The following SHTN1 variants were observed in gnomAD, a reference collection of about 807,000 sequenced individuals.
SHTN1 encodes shootin 1, also known as shootin-1.
Under a neutral mutation model 83.1 loss-of-function variants are expected in SHTN1, and 42 were observed. That is an observed-to-expected ratio of 0.51 (90% CI 0.39 to 0.65). SHTN1 has a LOEUF of 0.65. Ranked by LOEUF, SHTN1 falls within the 30% of genes least tolerant of loss-of-function variation. The probability of loss-of-function intolerance (pLI) is 0.00; values close to 1 mark genes in which losing one functional copy is unlikely to be tolerated. For synonymous variants in SHTN1, 224 were observed against 247.7 expected, an observed-to-expected ratio of 0.90 and a Z score of 0.90; for missense variants, 622 against 737.8, an observed-to-expected ratio of 0.84 and a Z score of 1.82.
chr10:116,894,523 T>C (rs1231456473), intron 16 of SHTN1, among the ~76,000 whole-genome samples: 25 of 152,184 alleles, frequency 1.6e-4, no homozygotes, highest in Admixed American at 1.6e-3. Context: ...AAATGTTAAC[T>C]TGAAGAATCT....
At chr10:116,976,265 G>A (rs1322261381) in intron 2 of SHTN1, among the ~76,000 whole-genome samples, 1 of 152,124 alleles carries the variant, frequency 6.6e-6, no homozygotes, top group Non-Finnish European at 1.5e-5. Flanking sequence ...TGGTTTCCCT[G>A]AAGAGCACCA....
chr10:117,074,139 A>G (rs1338015885), intron 1 of SHTN1, among the ~76,000 whole-genome samples: 1 of 152,066 alleles, frequency 6.6e-6, no homozygotes, highest in Non-Finnish European at 1.5e-5. Context: ...CTAATTGTAC[A>G]TCCTATCTTT....
At chr10:116,996,390 C>G (rs945700647) in intron 1 of SHTN1, among the ~76,000 whole-genome samples, 1 of 152,140 alleles carries the variant, frequency 6.6e-6, no homozygotes, top group African/African-American at 2.4e-5. Flanking sequence ...TGGGCTTTTT[C>G]TGAAGCTATG....
chr10:116,989,173 G>A lies in SHTN1; in HGVS notation c.59-9865C>T, dbSNP rs545274457. Among the ~76,000 whole-genome samples, 29 of 152,206 alleles carry A rather than the reference G, an allele frequency of 1.9e-4. 1 individual carries two copies. In the South Asian group the frequency reaches 4.6e-3, roughly 24 times the overall value. Reference sequence around the variant, plus strand: ...ATTATTATATTTAGTAAACTTTTATGAGTTTCAGATTTACAGTAAAACTGC... The same window carrying A: ...ATTATTATATTTAGTAAACTTTTATAAGTTTCAGATTTACAGTAAAACTGC... On this transcript the variant is annotated intron_variant, in intron 1 of 16. Coordinates refer to ENST00000355371, the MANE Select transcript of SHTN1 (RefSeq NM_001127211.3).
chr10:116,924,177 AAAAC>A lies in SHTN1; in HGVS notation c.1113-2665_1113-2662del, dbSNP rs1486920471. 3.3e-5 allele frequency among the ~76,000 whole-genome samples: 5 copies of A among 152,322 alleles called. No homozygotes were observed. The East Asian group carries it at 9.6e-4, about 29-fold the overall frequency. ...TTTTATTCTAGAAGTTATAAAGAAT[AAAAC>A]AAACTTTACTTGCTCAATTTTCCAT... On this transcript the variant is annotated intron_variant, in intron 11 of 16. Coordinates refer to ENST00000355371, the MANE Select transcript of SHTN1 (RefSeq NM_001127211.3).
chr10:117,094,533 A>G (rs991919297), intron 1 of SHTN1, among the ~76,000 whole-genome samples: 1 of 152,162 alleles, frequency 6.6e-6, no homozygotes, highest in Non-Finnish European at 1.5e-5. Context: ...TCTTTAGAAC[A>G]CTTGGGTCAG....
chr10:116,975,356 G>A (rs551208929), intron 2 of SHTN1, among the ~76,000 whole-genome samples: 1 of 152,138 alleles, frequency 6.6e-6, no homozygotes, highest in Non-Finnish European at 1.5e-5. Context: ...ATTAAGGCAA[G>A]CATTAAAGGC....
rs1409186395 is a variant in SHTN1, at chr10:116,940,504, G to A, written c.820C>T (p.Gln274Ter). Residue 274 changes from glutamine (Q) to a stop codon, truncating the protein, a stop_gained, in exon 9 of 17, where the codon CAG (glutamine) becomes TAG (stop). Transcript: ENST00000355371. LOFTEE classifies it high-confidence loss of function. Reference sequence around the variant, plus strand: ...TGAATTCTCTCTTCTTCAAGTTGCTGGGTGAGTTTTGCATTTTCGTCTAAA... The same window carrying A: ...TGAATTCTCTCTTCTTCAAGTTGCTAGGTGAGTTTTGCATTTTCGTCTAAA... The part of the protein sequence containing the change: ...KALDENAKLT[Q>*]QLEEERIQHQ... 6.2e-7 allele frequency: 1 copy of A among 1,614,012 alleles called. No individual in the cohort carries two copies. Among genetic ancestry groups the A allele is most frequent in the Non-Finnish European group, 8.5e-7 (1 of 1,179,936 alleles).
chr10:116,896,614 T>C (rs1020323745), intron 16 of SHTN1, among the ~76,000 whole-genome samples: 1 of 152,156 alleles, frequency 6.6e-6, no homozygotes, highest in Admixed American at 6.5e-5. Flanking sequence ...TGGAAACATA[T>C]GTTGAATATA....
In SHTN1 at chr10:116,940,397, C is replaced by T; in HGVS notation, c.858+69G>A. On this transcript the variant is annotated intron_variant, in intron 9 of 16. Coordinates refer to ENST00000355371, the MANE Select transcript of SHTN1 (RefSeq NM_001127211.3). ...CTGGACTGACTGCACTGGCTCCCTT[C>T]ATCTTAAATATATGTGTGTATGCAT... 19 of 1,453,356 alleles carry T rather than the reference C, an allele frequency of 1.3e-5. 1 individual carries two copies. In the South Asian group the frequency reaches 2.3e-4, roughly 17 times the overall value. The allele number at this position is 1,453,356 out of a possible 1,614,324, so 90.0% of individuals were successfully genotyped here.
At chr10:117,047,646 T>C (rs1163559873) in intron 2 of SHTN1, among the ~76,000 whole-genome samples, 3 of 151,728 alleles carry the variant, frequency 2.0e-5, no homozygotes, top group South Asian at 2.1e-4. Context: ...TAGCCTTCCT[T>C]GAAGAATGGA....
At chr10:116,933,694 T>G (rs1291331482) in intron 9 of SHTN1, among the ~76,000 whole-genome samples, 2 of 152,194 alleles carry the variant, frequency 1.3e-5, no homozygotes, top group African/African-American at 4.8e-5. Flanking sequence ...GTAATGGGAT[T>G]GCTAGGTCAA....
chr10:116,972,963 C>T (rs1850670545), intron 2 of SHTN1, among the ~76,000 whole-genome samples: 1 of 152,176 alleles, frequency 6.6e-6, no homozygotes, highest in Non-Finnish European at 1.5e-5. Flanking sequence ...CTCATCCAGG[C>T]AGATACCTGG....
chr10:116,881,937 TAA>T lies in SHTN1; in HGVS notation c.*4405_*4406del. ...TCCATTTTTCAGGGACACGCTCCAG[TAA>T]AAGAGGCCAATATTTTTGTTGCCAA... is the stretch of plus-strand genomic sequence containing the variant. On this transcript the variant is annotated 3_prime_UTR_variant, in exon 17 of 17. Transcript: ENST00000355371. 1 of 308,608 alleles carries T rather than the reference TAA, an allele frequency of 3.2e-6. No homozygotes were observed. Among genetic ancestry groups the T allele is most frequent in the Non-Finnish European group, 5.9e-6 (1 of 170,190 alleles). 19.1% of individuals were successfully genotyped at this position (308,608 alleles called of 1,614,324 possible).
chr10:117,042,200 A>T (rs925633948), intron 2 of SHTN1, among the ~76,000 whole-genome samples: 7 of 152,230 alleles, frequency 4.6e-5, no homozygotes, highest in African/African-American at 1.7e-4. Flanking sequence ...AAAACCAAAC[A>T]GCCCTTTGTC....
At chr10:117,072,323 T>G (rs1282377876) in intron 1 of SHTN1, among the ~76,000 whole-genome samples, 1 of 152,162 alleles carries the variant, frequency 6.6e-6, no homozygotes, top group African/African-American at 2.4e-5. Flanking sequence ...GGAAGAGGAC[T>G]AGATTGCAGC....
rs368121764 is a variant in SHTN1 at position 116,914,978 on chromosome 10, A to G, written c.1305+397T>C. ...CTATAATAGAAGCCTCAGCAAGGCG[A>G]GGGTTTTCGCCTATTTTGTTCAGTA... On this transcript the variant is annotated intron_variant, in intron 13 of 16. Coordinates refer to ENST00000355371, the MANE Select transcript of SHTN1 (RefSeq NM_001127211.3). Among the ~76,000 whole-genome samples the G allele has an allele frequency of 2.8e-4, 42 of 152,344 alleles. No homozygotes were observed. The East Asian group carries it at 6.0e-3, about 22-fold the overall frequency.
intron 2 of SHTN1, among the ~76,000 whole-genome samples, chr10:117,028,152 G>C (rs1416614833): frequency 6.6e-6 from 1 of 152,154 alleles, no homozygotes; most frequent in Non-Finnish European, 1.5e-5. Context: ...CCCGCCCTAT[G>C]GATCTGTGGA....
At chr10:117,011,725 G>C (rs1354841978) in intron 2 of SHTN1, among the ~76,000 whole-genome samples, 1 of 151,778 alleles carries the variant, frequency 6.6e-6, no homozygotes, top group Non-Finnish European at 1.5e-5. Flanking sequence ...TAAAAATACT[G>C]AAGCACTTAG....
Sources: gnomAD v4.1 joint callset for allele counts (sites outside exome capture counted in the v4.1 genomes callset) on GRCh38, gnomAD v4.1.1 for gene constraint, MANE v1.5 for transcripts, NCBI Gene and HGNC (gene_info 2026-07-23, HGNC 2026-07-21) for gene names.